SIRT4: variants seen among roughly 807,000 people sequenced by gnomAD.
SIRT4 encodes the protein sirtuin 4.
In SIRT4, 23 loss-of-function variants were observed where a neutral mutation model predicts 26.1. The ratio of observed to expected loss-of-function variants is 0.88; its 90% CI spans 0.63 to 1.25. The LOEUF (loss-of-function observed/expected upper bound fraction) is 1.25. Ranked by LOEUF, SIRT4 falls within the 50% of genes most tolerant of loss-of-function variation. The pLI, the probability that SIRT4 is intolerant of heterozygous loss-of-function variation, is 0.00. For synonymous variants in SIRT4, 155 were observed against 158.4 expected (o/e 0.98, Z 0.16); for missense variants, 361 against 405.4 (o/e 0.89, Z 0.94).
chr12:120,304,133 T>G (rs1236578744), intron 2 of SIRT4, 75 bp downstream of exon 2: 1 of 1,542,562 alleles, frequency 6.5e-7, no homozygotes, highest in Non-Finnish European at 8.7e-7. Flanking sequence ...GCTGTCTTGA[T>G]CACCACAGTC....
At chr12:120,305,581 C>T (rs774477091) in intron 2 of SIRT4, among the ~76,000 whole-genome samples, 2 of 152,040 alleles carry the variant, frequency 1.3e-5, no homozygotes, top group Non-Finnish European at 2.9e-5. Flanking sequence ...GGTATTTATT[C>T]ACCATCTCTC....
At position 120,306,876 on chromosome 12, in the gene SIRT4, C is replaced by T. The variant is rs568842721; in HGVS notation, c.497+2818C>T. Among the ~76,000 whole-genome samples, 10 of 152,266 alleles carry T rather than the reference C, an allele frequency of 6.6e-5. No homozygotes were observed. The East Asian group carries it at 1.9e-3, about 29-fold the overall frequency. On this transcript the variant is annotated intron_variant, in intron 2 of 3. Transcript: ENST00000202967. ...TGTTCTGAGGAAAATATGAGCTGAA[C>T]ACCAATAGCATGTGCTATAAACTGC...
At chr12:120,299,836 G>A (rs1872481381), upstream of SIRT4, among the ~76,000 whole-genome samples, 1 of 152,146 alleles carries the variant, frequency 6.6e-6, no homozygotes, top group African/African-American at 2.4e-5. Flanking sequence ...TGCAGGAAAA[G>A]GCAATGACCA....
chr12:120,303,348 C>T (rs910063452), intron 1 of SIRT4, among the ~76,000 whole-genome samples: 1 of 151,508 alleles, frequency 6.6e-6, no homozygotes, highest in African/African-American at 2.4e-5. Flanking sequence ...GGCATGGTGG[C>T]CATGTAGTCC....
At chr12:120,293,633 A>C in the SIRT4 span, among the ~76,000 whole-genome samples, 3 of 152,154 alleles carry the variant, frequency 2.0e-5, no homozygotes, top group African/African-American at 7.2e-5. Flanking sequence ...TATACATAAA[A>C]TTTACCATTT....
intron 2 of SIRT4, among the ~76,000 whole-genome samples, chr12:120,311,129 C>T (rs1317256601): frequency 2.7e-5 from 4 of 146,586 alleles, no homozygotes; most frequent in East Asian, 2.1e-4. Flanking sequence ...GAGGCCAAGG[C>T]GGGCAGACCA....
upstream of SIRT4, among the ~76,000 whole-genome samples, chr12:120,298,032 T>C (rs780117063): frequency 5.3e-5 from 8 of 150,492 alleles, no homozygotes; most frequent in Non-Finnish European, 1.0e-4. Context: ...ACTGCAGCCT[T>C]GAAAAAAAAA....
At chr12:120,298,562 C>T (rs936816007), upstream of SIRT4, among the ~76,000 whole-genome samples, 1 of 151,670 alleles carries the variant, frequency 6.6e-6, no homozygotes, top group Non-Finnish European at 1.5e-5. Flanking sequence ...TCTGAACTCC[C>T]GCCTGGGTGA....
upstream of SIRT4, among the ~76,000 whole-genome samples, chr12:120,300,750 A>G (rs929395762): frequency 2.6e-5 from 4 of 152,126 alleles, no homozygotes. Context: ...ACTCAGCCCA[A>G]TTCATCTTAA....
chr12:120,301,750 G>A (rs1213396456), upstream of SIRT4, among the ~76,000 whole-genome samples: 2 of 151,654 alleles, frequency 1.3e-5, no homozygotes, highest in Non-Finnish European at 2.9e-5. Flanking sequence ...GCATAGACAG[G>A]CACAGAGAAA....
intron 3 of SIRT4, 36 bp downstream of exon 3, chr12:120,312,786 T>A (rs1873044033): frequency 6.2e-7 from 1 of 1,606,408 alleles, no homozygotes; most frequent in Admixed American, 1.7e-5. Flanking sequence ...CCACCCCTTG[T>A]GCGGGATTGG....
chr12:120,303,074 T>C (rs182095776), intron 1 of SIRT4, among the ~76,000 whole-genome samples: 7 of 152,070 alleles, frequency 4.6e-5, no homozygotes, highest in Non-Finnish European at 8.8e-5. Flanking sequence ...GTCTCTCTGA[T>C]GTGTCCAAGT....
chr12:120,298,638 G>A (rs1592892327), upstream of SIRT4, among the ~76,000 whole-genome samples: 2 of 151,998 alleles, frequency 1.3e-5, no homozygotes, highest in Admixed American at 6.6e-5. Flanking sequence ...GCAGGGCGCA[G>A]TGGCTCATGC....
At chr12:120,306,798 A>G (rs534016424) in intron 2 of SIRT4, among the ~76,000 whole-genome samples, 1 of 151,984 alleles carries the variant, frequency 6.6e-6, no homozygotes, top group Non-Finnish European at 1.5e-5. Flanking sequence ...GTGAGACTCT[A>G]TCTCAATAAA....
intron 2 of SIRT4, among the ~76,000 whole-genome samples, chr12:120,304,827 ATATATATATTTTTTTTT>A (rs556215489): frequency 0.22 from 22,500 of 104,154 alleles, 2,263 homozygotes; most frequent in African/African-American, 0.38. Context: ...ATATATATAT[ATATATATATTTTTTTTT>A]TTTTTTTTTT....
intron 2 of SIRT4, among the ~76,000 whole-genome samples, chr12:120,305,453 GTC>G (rs919750748): frequency 6.6e-6 from 1 of 152,066 alleles, no homozygotes; most frequent in Non-Finnish European, 1.5e-5. Context: ...TAGAGACGAA[GTC>G]TTACTATGTT....
At chr12:120,308,153 G>A (rs1286502235) in intron 2 of SIRT4, among the ~76,000 whole-genome samples, 1 of 148,206 alleles carries the variant, frequency 6.7e-6, no homozygotes, top group East Asian at 2.0e-4. Flanking sequence ...CACCATGCCT[G>A]GCCCAAGAAA....
At chr12:120,304,111 G>C in intron 2 of SIRT4, 53 bp downstream of exon 2, 1 of 1,576,856 alleles carries the variant, frequency 6.3e-7, no homozygotes, top group Non-Finnish European at 8.6e-7. Flanking sequence ...TTTTGGGAGA[G>C]TAGGGACCTT....
intron 2 of SIRT4, among the ~76,000 whole-genome samples, chr12:120,305,120 T>C (rs1360972404): frequency 1.3e-5 from 2 of 149,836 alleles, no homozygotes; most frequent in Non-Finnish European, 3.0e-5. Flanking sequence ...TGAGCTGAGA[T>C]CATGCCACCA....
Sources: allele counts gnomAD v4.1 joint callset (sites outside exome capture counted in the v4.1 genomes callset), GRCh38; gene constraint gnomAD v4.1.1; transcripts MANE v1.5; gene names NCBI Gene and HGNC (gene_info 2026-07-23, HGNC 2026-07-21).